Variants in CHSY1 observed in about 807,000 individuals in gnomAD.
CHSY1 encodes N-acetylgalactosaminyl-proteoglycan 3-beta-glucuronosyltransferase 1.
A neutral mutation model predicts 59.8 loss-of-function variants in CHSY1; 13 were observed. The observed-to-expected ratio is 0.22, with a 90% confidence interval of 0.14 to 0.35. The LOEUF (loss-of-function observed/expected upper bound fraction) is 0.35. CHSY1 is among the 10% of genes least tolerant of loss of function. The pLI is 1.00. For missense variants in CHSY1, 947 were observed against 1,030.6 expected (o/e 0.92, Z 1.11); for synonymous variants, 459 against 401.2 (o/e 1.14, Z -1.72).
At chr15:101,196,792 G>C (rs2038511934) in intron 2 of CHSY1, among the ~76,000 whole-genome samples, 1 of 152,174 alleles carries the variant, frequency 6.6e-6, no homozygotes, top group South Asian at 2.1e-4. Flanking sequence ...GGGAGGTCAA[G>C]GCAAGGGAAC....
chr15:101,210,258 A>G (rs903186758), intron 2 of CHSY1, among the ~76,000 whole-genome samples: 1 of 152,362 alleles, frequency 6.6e-6, no homozygotes, highest in South Asian at 2.1e-4. Flanking sequence ...ACAATTCTGC[A>G]TAATGTGCAA....
chr15:101,192,524 C>A (rs2038457354), intron 2 of CHSY1, among the ~76,000 whole-genome samples: 1 of 152,108 alleles, frequency 6.6e-6, no homozygotes, highest in African/African-American at 2.4e-5. Context: ...TCCCCCCACT[C>A]CCAAACAATA....
At chr15:101,231,156 T>C (rs1448520835) in intron 2 of CHSY1, among the ~76,000 whole-genome samples, 1 of 152,056 alleles carries the variant, frequency 6.6e-6, no homozygotes, top group East Asian at 1.9e-4. Context: ...CGTGAGTGAA[T>C]TGAGTCAATG....
At chr15:101,181,333 A>G (rs1273604286) in intron 2 of CHSY1, among the ~76,000 whole-genome samples, 1 of 152,220 alleles carries the variant, frequency 6.6e-6, no homozygotes. Context: ...TTCTACATGT[A>G]TTTGTTTCAA....
chr15:101,245,527 C>T (rs1185332939), intron 1 of CHSY1, among the ~76,000 whole-genome samples: 3 of 152,172 alleles, frequency 2.0e-5, no homozygotes, highest in Non-Finnish European at 4.4e-5. Context: ...ATGAACTCTG[C>T]AGAGACTAGG....
At chr15:101,240,141 G>A (rs916910027) in intron 1 of CHSY1, among the ~76,000 whole-genome samples, 2 of 152,252 alleles carry the variant, frequency 1.3e-5, no homozygotes, top group Non-Finnish European at 1.5e-5. Flanking sequence ...GTTGGTTTGA[G>A]GGAAATCTCT....
At position 101,251,477 on chromosome 15, in the gene CHSY1, C is replaced by CA. The variant is rs1456093527; in HGVS notation, c.-22_-21insT. ...GCCATGCCCGCGCCGCTCCGCCCGC[C>CA]GGGCCGCCGCCGCAGGCTCCGCGCG... is the stretch of plus-strand genomic sequence containing the variant. On this transcript the variant is annotated 5_prime_UTR_variant, in exon 1 of 3. Transcript: ENST00000254190. 3 of 279,474 alleles carry CA rather than the reference C, an allele frequency of 1.1e-5. No individual in the cohort carries two copies. The highest frequency in any genetic ancestry group is 2.0e-4 in the African/African-American group (2 of 10,094). 17.3% of individuals were successfully genotyped at this position (279,474 alleles called of 1,614,324 possible). A position where few individuals can be genotyped will look rare whatever the true frequency, so the allele number is the denominator to read the frequency against.
At chr15:101,217,034 G>T (rs549204499) in intron 2 of CHSY1, among the ~76,000 whole-genome samples, 1 of 152,340 alleles carries the variant, frequency 6.6e-6, no homozygotes, top group East Asian at 1.9e-4. Flanking sequence ...GTGAGAATGA[G>T]TGAAGACTGT....
rs149177193 is a variant in CHSY1 at position 101,239,892 on chromosome 15, C to G, written c.321-4315G>C. 1.0e-3 allele frequency among the ~76,000 whole-genome samples: 155 copies of G among 152,266 alleles called. 2 individuals are homozygous for G. The Middle Eastern group carries it at 0.01, about 10-fold the overall frequency. On this transcript the variant is annotated intron_variant, in intron 1 of 2. Coordinates refer to ENST00000254190, the MANE Select transcript of CHSY1 (RefSeq NM_014918.5). ...AGTTTGGCCCTGCTTCCCGTGTACCCCACCAGGAAGAACACAGTGAAAGAG... is the reference window on the plus strand; with the variant it reads ...AGTTTGGCCCTGCTTCCCGTGTACCGCACCAGGAAGAACACAGTGAAAGAG...
intron 1 of CHSY1, among the ~76,000 whole-genome samples, chr15:101,243,021 G>A (rs2039017485): frequency 6.6e-6 from 1 of 152,190 alleles, no homozygotes; most frequent in African/African-American, 2.4e-5. Context: ...ATAGACTTGA[G>A]GGGAAAGCAA....
rs1046520776 is a variant in CHSY1 at position 101,195,617 on chromosome 15, C to T, written c.817-16637G>A. 3.3e-5 allele frequency among the ~76,000 whole-genome samples: 5 copies of T among 152,154 alleles called. No homozygotes were observed. In the East Asian group the frequency reaches 5.8e-4, roughly 18 times the overall value. ...CGGGCAGATCATGAGGTCAGGAGAT[C>T]GAAACCATACTAGCTAACACGGTGA... On this transcript the variant is annotated intron_variant, in intron 2 of 2. Coordinates refer to ENST00000254190, the MANE Select transcript of CHSY1 (RefSeq NM_014918.5).
intron 2 of CHSY1, among the ~76,000 whole-genome samples, chr15:101,205,543 G>A (rs973090182): frequency 1.3e-5 from 2 of 152,190 alleles, no homozygotes; most frequent in African/African-American, 4.8e-5. Flanking sequence ...GAAGAGTACT[G>A]TGATCACAAA....
chr15:101,191,882 CATCT>C (rs1255309759), intron 2 of CHSY1, among the ~76,000 whole-genome samples: 3 of 151,484 alleles, frequency 2.0e-5, no homozygotes, highest in African/African-American at 4.9e-5. Context: ...TTCCTTCATC[CATCT>C]ATCTACTCAC....
intron 1 of CHSY1, among the ~76,000 whole-genome samples, chr15:101,238,694 G>C (rs1028894999): frequency 2.0e-5 from 3 of 152,126 alleles, no homozygotes; most frequent in Admixed American, 2.0e-4. Context: ...ATTTAAAATG[G>C]ACCTGTATTC....
chr15:101,249,247 TTTG>T (rs920041484), intron 1 of CHSY1, among the ~76,000 whole-genome samples: 5 of 152,010 alleles, frequency 3.3e-5, no homozygotes, highest in African/African-American at 9.7e-5. Flanking sequence ...TACTAACTGG[TTTG>T]TTAACTGTCC....
chr15:101,204,653 C>T lies in CHSY1; in HGVS notation c.817-25673G>A, dbSNP rs553897881. 1.3e-4 allele frequency among the ~76,000 whole-genome samples: 20 copies of T among 152,146 alleles called. 1 individual carries two copies. In the South Asian group the frequency reaches 3.5e-3, roughly 27 times the overall value. On this transcript the variant is annotated intron_variant, in intron 2 of 2. Transcript: ENST00000254190. ...GCATGGTGGCTCACACCTGTAATCC[C>T]AGCACTTTGGGAGGCCAAGGTAGGC...
rs114662019 is a variant in CHSY1, at chr15:101,232,844, G to A, written c.816+2238C>T. ...AGAGCTCTGGGCACTGCAGGTGGGAGGGCCCTGTGGCACAAGCCCAGGAGA... is the reference window on the plus strand; with the variant it reads ...AGAGCTCTGGGCACTGCAGGTGGGAAGGCCCTGTGGCACAAGCCCAGGAGA... On this transcript the variant is annotated intron_variant, in intron 2 of 2. Coordinates refer to ENST00000254190, the MANE Select transcript of CHSY1 (RefSeq NM_014918.5). Among the ~76,000 whole-genome samples the A allele has an allele frequency of 6.3e-3, 965 of 152,340 alleles. 9 individuals are homozygous for A. Among genetic ancestry groups the A allele is most frequent in the African/African-American group, 0.022 (916 of 41,568 alleles).
Position 101,178,013 on chromosome 15 carries a change from G to C in CHSY1, c.1784C>G (p.Pro595Arg). ...AGGCAAAATCTGCATGTCGGCTTTA[G>C]GGTACTTAATGCGGTAATCTCTCAT... The part of the protein sequence containing the change: ...ELMRDYRIKY[P>R]KADMQILPVS... The change falls in exon 3 of 3, where the codon CCT becomes CGT. Residue 595 changes from proline (P) to arginine (R), a missense_variant. Coordinates refer to ENST00000254190, the MANE Select transcript of CHSY1 (RefSeq NM_014918.5). The C allele has an allele frequency of 6.2e-7, 1 of 1,614,194 alleles. No individual in the cohort carries two copies. Among genetic ancestry groups the C allele is most frequent in the Non-Finnish European group, 8.5e-7 (1 of 1,180,048 alleles).
chr15:101,243,965 C>T (rs1203028072), intron 1 of CHSY1, among the ~76,000 whole-genome samples: 1 of 152,158 alleles, frequency 6.6e-6, no homozygotes, highest in African/African-American at 2.4e-5. Flanking sequence ...GGCCTCAACA[C>T]CTACAGTCAA....
Sources: gnomAD v4.1 joint callset for allele counts (sites outside exome capture counted in the v4.1 genomes callset) on GRCh38, gnomAD v4.1.1 for gene constraint, MANE v1.5 for transcripts, NCBI Gene and HGNC (gene_info 2026-07-23, HGNC 2026-07-21) for gene names.